The following DPP6 variants were observed in gnomAD, a reference collection of about 807,000 sequenced individuals.
DPP6 encodes the protein A-type potassium channel modulatory protein DPP6.
Under a neutral mutation model 122.6 loss-of-function variants are expected in DPP6, and 69 were observed. The ratio of observed to expected loss-of-function variants is 0.56; its 90% CI spans 0.46 to 0.69. The LOEUF (loss-of-function observed/expected upper bound fraction) is 0.69. Ranked by LOEUF, DPP6 falls within the 30% of genes least tolerant of loss-of-function variation. The pLI is 0.00. For missense variants in DPP6, 928 were observed against 1,116.9 expected (o/e 0.83, Z 2.41); for synonymous variants, 418 against 433.1 (o/e 0.97, Z 0.43).
chr7:154,366,376 A>T (rs1353960250), intron 1 of DPP6, among the ~76,000 whole-genome samples: 1 of 152,234 alleles, frequency 6.6e-6, no homozygotes, highest in Non-Finnish European at 1.5e-5. Flanking sequence ...CCTGAAGAGA[A>T]ATGATTCTGT....
intron 1 of DPP6, among the ~76,000 whole-genome samples, chr7:154,311,084 G>A (rs1380818635): frequency 1.3e-5 from 2 of 152,152 alleles, no homozygotes; most frequent in East Asian, 1.9e-4. Context: ...AGATCGGACA[G>A]GTAGGGGGTG....
At chr7:153,753,840 T>C in the DPP6 span, among the ~76,000 whole-genome samples, 4 of 152,156 alleles carry the variant, frequency 2.6e-5, no homozygotes, top group African/African-American at 9.7e-5. Flanking sequence ...TTTACCCATT[T>C]GCGCTCCTAG....
chr7:154,750,487 T>G (rs1843323294), intron 8 of DPP6, among the ~76,000 whole-genome samples: 2 of 152,110 alleles, frequency 1.3e-5, no homozygotes, highest in Non-Finnish European at 2.9e-5. Context: ...AGGCACTGAG[T>G]GCGTGGGAAG....
intron 1 of DPP6, among the ~76,000 whole-genome samples, chr7:154,175,551 A>G (rs1797755605): frequency 6.6e-6 from 1 of 152,032 alleles, no homozygotes; most frequent in South Asian, 2.1e-4. Flanking sequence ...TGGACAGAAA[A>G]TACAGCCACT....
chr7:154,451,361 C>CAAAAA (rs397890050), intron 2 of DPP6, among the ~76,000 whole-genome samples: 2 of 122,152 alleles, frequency 1.6e-5, no homozygotes, highest in Admixed American at 8.5e-5. Context: ...CCTGTCTCAC[C>CAAAAA]AAAAAAAAAA....
intron 1 of DPP6, among the ~76,000 whole-genome samples, chr7:154,080,659 G>A: frequency 6.6e-6 from 1 of 152,182 alleles, no homozygotes; most frequent in East Asian, 1.9e-4. Context: ...ACCTCCGTCT[G>A]TAAGTTCCCC....
chr7:153,800,561 G>C, the DPP6 span, among the ~76,000 whole-genome samples: 5 of 152,066 alleles, frequency 3.3e-5, no homozygotes, highest in Non-Finnish European at 7.4e-5. Context: ...CTGTTGTCCA[G>C]GCTGGAATGT....
chr7:154,831,214 T>C (rs146702266), intron 16 of DPP6, among the ~76,000 whole-genome samples: 2 of 152,308 alleles, frequency 1.3e-5, no homozygotes, highest in African/African-American at 2.4e-5. Flanking sequence ...TGGAGAGCTC[T>C]CCAGGCCACC....
chr7:154,418,889 C>T (rs1221241263), intron 1 of DPP6, among the ~76,000 whole-genome samples: 1 of 152,176 alleles, frequency 6.6e-6, no homozygotes, highest in Non-Finnish European at 1.5e-5. Flanking sequence ...CAAGTACCAC[C>T]AGCCAGGAAG....
At chr7:153,794,016 A>G in the DPP6 span, among the ~76,000 whole-genome samples, 1 of 152,234 alleles carries the variant, frequency 6.6e-6, no homozygotes, top group Non-Finnish European at 1.5e-5. Context: ...GGATGCCCAG[A>G]CAGAAGTTTG....
chr7:154,150,892 T>A (rs1009832301), intron 1 of DPP6, among the ~76,000 whole-genome samples: 2 of 152,168 alleles, frequency 1.3e-5, no homozygotes, highest in African/African-American at 4.8e-5. Context: ...AGGCTCTTCC[T>A]CCCCACTCTC....
intron 8 of DPP6, among the ~76,000 whole-genome samples, chr7:154,758,755 T>TTTG (rs949379249): frequency 6.6e-6 from 1 of 151,738 alleles, no homozygotes; most frequent in African/African-American, 2.4e-5. Context: ...TGTTTGTTTG[T>TTTG]TTGTTTTGTT....
chr7:153,922,496 C>G, intron 1 of DPP6, among the ~76,000 whole-genome samples: 1 of 152,174 alleles, frequency 6.6e-6, no homozygotes, highest in South Asian at 2.1e-4. Context: ...GAGACCTTGT[C>G]TCTAAAAACA....
chr7:154,766,013 G>A (rs1251694289), intron 8 of DPP6, among the ~76,000 whole-genome samples: 2 of 152,136 alleles, frequency 1.3e-5, no homozygotes, highest in African/African-American at 2.4e-5. Context: ...AAATGTCAAG[G>A]TTTCTTCTGC....
the DPP6 span, among the ~76,000 whole-genome samples, chr7:153,824,017 C>G: frequency 6.6e-6 from 1 of 152,154 alleles, no homozygotes; most frequent in Non-Finnish European, 1.5e-5. Context: ...GAGAAACTCA[C>G]GTGTCCACAG....
At chr7:154,677,366 G>C (rs569891373) in intron 7 of DPP6, among the ~76,000 whole-genome samples, 1 of 151,554 alleles carries the variant, frequency 6.6e-6, no homozygotes, top group East Asian at 1.9e-4. Flanking sequence ...ATCAGTGAAA[G>C]ATTCAAGAAA....
At chr7:154,880,810 AC>A (rs1397368090) in intron 20 of DPP6, 77 bp from the exon 21 acceptor site, 1 of 1,612,810 alleles carries the variant, frequency 6.2e-7, no homozygotes, top group Non-Finnish European at 8.5e-7. Flanking sequence ...TGGATGGAAA[AC>A]ATGGCTCTGG....
chr7:154,693,713 C>T (rs2131229188), intron 7 of DPP6, among the ~76,000 whole-genome samples: 1 of 152,258 alleles, frequency 6.6e-6, no homozygotes, highest in Non-Finnish European at 1.5e-5. Context: ...GGTGTAAAAC[C>T]CTGACGTGTG....
At chr7:153,755,692 T>G in the DPP6 span, among the ~76,000 whole-genome samples, 1 of 152,124 alleles carries the variant, frequency 6.6e-6, no homozygotes, top group African/African-American at 2.4e-5. Context: ...TTGAGCAGCC[T>G]CCTCCTCCTC....
Sources: allele counts gnomAD v4.1 joint callset (sites outside exome capture counted in the v4.1 genomes callset), GRCh38; gene constraint gnomAD v4.1.1; transcripts MANE v1.5; gene names NCBI Gene and HGNC (gene_info 2026-07-23, HGNC 2026-07-21).